Variants in CD44 observed in about 807,000 individuals in gnomAD.
CD44 encodes the protein CD44 antigen.
Under a neutral mutation model 88.8 loss-of-function variants are expected in CD44, and 49 were observed. That is an observed-to-expected ratio of 0.55 (90% CI 0.44 to 0.70). The LOEUF (loss-of-function observed/expected upper bound fraction) is 0.70. CD44 is among the 30% of genes least tolerant of loss of function. CD44 has a pLI of 0.00. For synonymous variants in CD44, 325 were observed against 312.3 expected, an observed-to-expected ratio of 1.04 and a Z score of -0.43; for missense variants, 883 against 913.8, an observed-to-expected ratio of 0.97 and a Z score of 0.43.
chr11:35,153,219 A>G lies in CD44; in HGVS notation c.67+13849A>G, dbSNP rs115791593. On this transcript the variant is annotated intron_variant, in intron 1 of 17. Transcript: ENST00000428726. The stretch of plus-strand genomic sequence containing the variant: ...TGAGACGATAAAGGAGAGGACACTA[A>G]CTAAACAAGAAGACAATGATCTGAT... Among the ~76,000 whole-genome samples, 958 of 152,310 alleles carry G rather than the reference A, an allele frequency of 6.3e-3. 7 individuals carry two copies. The highest frequency in any genetic ancestry group is 0.022 in the African/African-American group (919 of 41,554).
chr11:35,192,659 A>G (rs1946373972), intron 5 of CD44, among the ~76,000 whole-genome samples: 1 of 152,108 alleles, frequency 6.6e-6, no homozygotes, highest in South Asian at 2.1e-4. Flanking sequence ...GTTTATCTTG[A>G]GTGTCATCAG....
chr11:35,181,637 C>T (rs1315613274), intron 3 of CD44, among the ~76,000 whole-genome samples: 1 of 143,080 alleles, frequency 7.0e-6, no homozygotes, highest in Admixed American at 7.4e-5. Context: ...AAGACATTAT[C>T]AGCCTGAGAC....
At chr11:35,223,406 A>T (rs1289779970) in intron 17 of CD44, 1 of 432,900 alleles carries the variant, frequency 2.3e-6, no homozygotes, top group Non-Finnish European at 3.1e-6. Context: ...TGCACATGTC[A>T]CCATAGAAAC....
intron 1 of CD44, 139 bp downstream of exon 1, chr11:35,139,509 A>G (rs1857463496): frequency 1.2e-6 from 1 of 804,842 alleles, no homozygotes; most frequent in Non-Finnish European, 2.2e-6. Flanking sequence ...GGCTCCGGAA[A>G]GCAGGGCTGG....
intron 17 of CD44, among the ~76,000 whole-genome samples, chr11:35,228,807 A>G (rs1203415596): frequency 6.6e-6 from 1 of 152,180 alleles, no homozygotes; most frequent in Non-Finnish European, 1.5e-5. Context: ...GAAGCCACAG[A>G]TCCTGGGCTC....
intron 1 of CD44, 54 bp from the exon 2 acceptor site, chr11:35,176,521 C>A: frequency 1.3e-6 from 2 of 1,538,970 alleles, no homozygotes; most frequent in Admixed American, 1.8e-5. Context: ...GAACTTATTA[C>A]TGTCTCCAAA....
chr11:35,150,177 C>A (rs948119158), intron 1 of CD44, among the ~76,000 whole-genome samples: 1 of 152,236 alleles, frequency 6.6e-6, no homozygotes, highest in African/African-American at 2.4e-5. Context: ...CAGCTTTCCT[C>A]AAGCAACCCC....
chr11:35,201,891 A>G, intron 9 of CD44, 104 bp downstream of exon 9: 2 of 1,178,034 alleles, frequency 1.7e-6, no homozygotes, highest in South Asian at 2.9e-5. Context: ...TTCTATTTCC[A>G]CTCGGTAATT....
chr11:35,186,767 A>G, intron 3 of CD44, 65 bp from the exon 4 acceptor site: 2 of 916,006 alleles, frequency 2.2e-6, no homozygotes, highest in Admixed American at 1.7e-5. Flanking sequence ...ACTGACTAAT[A>G]AAAATGAGGG....
At chr11:35,171,301 A>G (rs1293493707) in intron 1 of CD44, among the ~76,000 whole-genome samples, 1 of 152,218 alleles carries the variant, frequency 6.6e-6, no homozygotes, top group African/African-American at 2.4e-5. Context: ...AGGATAGTTG[A>G]CCAGAAATGA....
intron 1 of CD44, among the ~76,000 whole-genome samples, chr11:35,160,758 C>T (rs1942492481): frequency 6.6e-6 from 1 of 152,160 alleles, no homozygotes; most frequent in African/African-American, 2.4e-5. Flanking sequence ...CCCACTAAAC[C>T]AAGTTAACAT....
chr11:35,192,859 G>T (rs1056183926), intron 5 of CD44, among the ~76,000 whole-genome samples: 1 of 148,642 alleles, frequency 6.7e-6, no homozygotes, highest in South Asian at 2.1e-4. Flanking sequence ...AATTCTGCTG[G>T]CTAGGCAGTA....
At chr11:35,145,521 G>T (rs144816302) in intron 1 of CD44, among the ~76,000 whole-genome samples, 3 of 151,996 alleles carry the variant, frequency 2.0e-5, no homozygotes, top group South Asian at 2.1e-4. Context: ...TGCTGTGACC[G>T]CTGGGGACAT....
In CD44 at chr11:35,181,899, A is replaced by AATATATATTATATATTATATATT. The variant is rs1565080466; in HGVS notation, c.367+1499_367+1500insTTATATATTATATATTATATATA. On this transcript the variant is annotated intron_variant, in intron 3 of 17. Transcript: ENST00000428726. ...TTATATATAATTCTATATATAATAT[A>AATATATATTATATATTATATATT]ATATATAATATATATTATATATTAT... Among the ~76,000 whole-genome samples the AATATATATTATATATTATATATT allele has an allele frequency of 4.8e-4, 30 of 62,464 alleles. 2 individuals are homozygous for AATATATATTATATATTATATATT. The highest frequency in any genetic ancestry group is 1.8e-3 in the African/African-American group (22 of 12,120). 41.0% of individuals were successfully genotyped at this position (62,464 alleles called of 152,430 possible).
chr11:35,162,871 C>T (rs537734571), intron 1 of CD44, among the ~76,000 whole-genome samples: 2 of 152,176 alleles, frequency 1.3e-5, no homozygotes, highest in East Asian at 1.9e-4. Context: ...CTTGTGCACA[C>T]AGACAGAAAC....
At chr11:35,223,692 C>G (rs1949484649) in intron 17 of CD44, among the ~76,000 whole-genome samples, 1 of 152,238 alleles carries the variant, frequency 6.6e-6, no homozygotes, top group African/African-American at 2.4e-5. Flanking sequence ...ATTACTATGT[C>G]CTGATTTGAT....
intron 1 of CD44, among the ~76,000 whole-genome samples, chr11:35,150,299 G>C (rs977678437): frequency 6.6e-6 from 1 of 152,128 alleles, no homozygotes; most frequent in African/African-American, 2.4e-5. Context: ...GGGAAAAAAA[G>C]CTAGACCAAA....
intron 17 of CD44, chr11:35,222,702 T>A: frequency 1.1e-6 from 1 of 931,102 alleles, no homozygotes. Flanking sequence ...TTTATAAAAG[T>A]ATAAATCTAA....
At chr11:35,227,960 T>G (rs1264873797) in intron 17 of CD44, among the ~76,000 whole-genome samples, 1 of 152,240 alleles carries the variant, frequency 6.6e-6, no homozygotes, top group Non-Finnish European at 1.5e-5. Context: ...GAACAATAGC[T>G]GCTTTGAAAG....
Sources: gnomAD v4.1 joint callset for allele counts (sites outside exome capture counted in the v4.1 genomes callset) on GRCh38, gnomAD v4.1.1 for gene constraint, MANE v1.5 for transcripts, NCBI Gene and HGNC (gene_info 2026-07-23, HGNC 2026-07-21) for gene names.